Variants in ZMPSTE24 observed in about 807,000 individuals in gnomAD.
ZMPSTE24 encodes the protein CAAX prenyl protease 1 homolog.
A neutral mutation model predicts 56.7 loss-of-function variants in ZMPSTE24; 48 were observed. That is an observed-to-expected ratio of 0.85 (90% confidence interval 0.67 to 1.08). The LOEUF (loss-of-function observed/expected upper bound fraction) is 1.08, where lower values mean the gene tolerates loss of function less well. Among genes scored for constraint, ZMPSTE24 ranks in the 50% least tolerant of loss-of-function variants. The pLI, the probability that ZMPSTE24 is intolerant of heterozygous loss-of-function variation, is 0.00. For missense variants in ZMPSTE24, 503 were observed against 548.7 expected, an observed-to-expected ratio of 0.92 and a Z score of 0.83; for synonymous variants, 172 against 195.2, an observed-to-expected ratio of 0.88 and a Z score of 0.99.
chr1:40,273,516 T>TAAAAAAA (rs1205861105), intron 6 of ZMPSTE24, among the ~76,000 whole-genome samples: 1 of 10,584 alleles, frequency 9.4e-5, no homozygotes, highest in African/African-American at 5.7e-4. Flanking sequence ...AAATTCTGTC[T>TAAAAAAA]AAAAAAAAAA....
chr1:40,270,274 A>G lies in ZMPSTE24; in HGVS notation c.627+147A>G, dbSNP rs987935287. On this transcript the variant is annotated intron_variant, in intron 5 of 9. Transcript: ENST00000372759. The stretch of plus-strand genomic sequence containing the variant: ...ATTTCCCCCTTGGTTTCTGCTTTTG[A>G]TTGTAGACACAGGAGTATTGACTGA... The G allele has an allele frequency of 1.1e-5, 11 of 981,670 alleles. No homozygotes were observed. In the Admixed American group the frequency reaches 2.3e-4, roughly 20 times the overall value. The allele number at this position is 981,670 out of a possible 1,614,324, so 60.8% of individuals were successfully genotyped here. A position where few individuals can be genotyped will look rare whatever the true frequency, so the allele number is the denominator to read the frequency against.
Position 40,272,466 on chromosome 1 carries a change from T to C in ZMPSTE24, c.769+431T>C, listed in dbSNP as rs182339139. Among the ~76,000 whole-genome samples the C allele has an allele frequency of 1.3e-3, 204 of 152,350 alleles. 1 individual carries two copies. Among genetic ancestry groups the C allele is most frequent in the South Asian group, 0.011 (51 of 4,830 alleles). On this transcript the variant is annotated intron_variant, in intron 6 of 9. Coordinates refer to ENST00000372759, the MANE Select transcript of ZMPSTE24 (RefSeq NM_005857.5). ...AGGCTCTTAAACAAAGCCAGTGTTA[T>C]TGGCCTTGTCTCCTCCAAGAAAATA...
At chr1:40,259,572 T>C (rs1331255521) in intron 1 of ZMPSTE24, 1 of 152,222 alleles carries the variant, frequency 6.6e-6, no homozygotes, top group Admixed American at 6.5e-5. Context: ...GTATTTTTAG[T>C]AGAGACGGGG....
At position 40,286,214 on chromosome 1, in the gene ZMPSTE24, C is replaced by A. The variant is rs561888207; in HGVS notation, c.1059+185C>A. Among the ~76,000 whole-genome samples, 12 of 152,180 alleles carry A rather than the reference C, an allele frequency of 7.9e-5. No individual in the cohort carries two copies. In the South Asian group the frequency reaches 1.5e-3, roughly 18 times the overall value. On this transcript the variant is annotated intron_variant, in intron 8 of 9. Transcript: ENST00000372759. ...CAAGTTCCTTAACCTCTGCCTCTGTCCCCTCATTGAATGATAATACCTCAT... is the reference window on the plus strand; with the variant it reads ...CAAGTTCCTTAACCTCTGCCTCTGTACCCTCATTGAATGATAATACCTCAT...
intron 2 of ZMPSTE24, among the ~76,000 whole-genome samples, chr1:40,267,383 T>TTATTTTATTTTATTTTA (rs1643561472): frequency 6.8e-6 from 1 of 147,734 alleles, no homozygotes; most frequent in African/African-American, 2.5e-5. Flanking sequence ...TTATTTTATT[T>TTATTTTATTTTATTTTA]GAGACAGGGT....
chr1:40,265,564 G>A (rs1461937061), intron 2 of ZMPSTE24, among the ~76,000 whole-genome samples: 1 of 152,106 alleles, frequency 6.6e-6, no homozygotes, highest in Non-Finnish European at 1.5e-5. Context: ...GCCAAGTATG[G>A]TGGTGCATAC....
chr1:40,279,354 A>C (rs189447521), intron 6 of ZMPSTE24, among the ~76,000 whole-genome samples: 14 of 152,306 alleles, frequency 9.2e-5, no homozygotes, highest in African/African-American at 3.4e-4. Context: ...TGCAAAAGTA[A>C]TTGCAGTTTC....
chr1:40,284,829 C>T (rs190220439), intron 7 of ZMPSTE24, among the ~76,000 whole-genome samples: 70 of 151,994 alleles, frequency 4.6e-4, no homozygotes, highest in African/African-American at 1.4e-3. Context: ...TTTTTATATA[C>T]ACATTCACAT....
intron 2 of ZMPSTE24, among the ~76,000 whole-genome samples, chr1:40,265,657 C>T (rs574174438): frequency 2.0e-5 from 3 of 152,174 alleles, no homozygotes; most frequent in Admixed American, 6.5e-5. Flanking sequence ...GATCATAACA[C>T]TGCTCCCTAG....
chr1:40,268,110 T>C (rs1209952197), intron 3 of ZMPSTE24, among the ~76,000 whole-genome samples: 4 of 152,242 alleles, frequency 2.6e-5, no homozygotes, highest in African/African-American at 7.2e-5. Flanking sequence ...TGAGTATTTT[T>C]AGTTATCAGG....
intron 6 of ZMPSTE24, among the ~76,000 whole-genome samples, chr1:40,272,288 G>A (rs745607918): frequency 2.0e-5 from 3 of 152,148 alleles, no homozygotes; most frequent in Non-Finnish European, 4.4e-5. Flanking sequence ...TGGTTTTACA[G>A]TATTGTTTTA....
At chr1:40,276,035 G>A (rs1438538437) in intron 6 of ZMPSTE24, among the ~76,000 whole-genome samples, 5 of 152,140 alleles carry the variant, frequency 3.3e-5, no homozygotes, top group Non-Finnish European at 7.3e-5. Context: ...CCAGGGCATG[G>A]GGCTAGCTGC....
rs1643782486 is a variant in ZMPSTE24, at chr1:40,285,923, A to G, written c.955-2A>G. On this transcript the variant is annotated splice_acceptor_variant, in intron 7 of 9. Transcript: ENST00000372759. LOFTEE classifies it high-confidence loss of function. ...ATTTATTTTTGATTTTTTTTTATTC[A>G]GAATAAGAAACAAGGATGTAAAAAT... 1 of 1,610,394 alleles carries G rather than the reference A, an allele frequency of 6.2e-7. No homozygotes were observed. The highest frequency in any genetic ancestry group is 1.7e-5 in the Admixed American group (1 of 59,824).
chr1:40,283,055 T>C (rs1643746157), intron 7 of ZMPSTE24, among the ~76,000 whole-genome samples: 1 of 152,236 alleles, frequency 6.6e-6, no homozygotes, highest in Non-Finnish European at 1.5e-5. Flanking sequence ...AAACAGGTTC[T>C]AGTAAAGTAC....
rs771464900 is a variant in ZMPSTE24, at chr1:40,271,982, A to T, written c.716A>T (p.Glu239Val). The part of the protein sequence containing the change: ...LPEGKLKEEI[E>V]VMAKSIDFPL... ...GAGGGAAAGCTTAAAGAAGAAATTG[A>T]AGTAATGGCAAAGAGTATTGACTTT... is the stretch of plus-strand genomic sequence containing the variant. Residue 239 changes from glutamate (E) to valine (V), a missense_variant, in exon 6 of 10, where the codon GAA becomes GTA. Glu to Val is a moderately radical substitution (Grantham distance 121). Coordinates refer to ENST00000372759, the MANE Select transcript of ZMPSTE24 (RefSeq NM_005857.5). 3.7e-6 allele frequency: 6 copies of T among 1,613,400 alleles called. No individual in the cohort carries two copies. The highest frequency in any genetic ancestry group is 4.2e-6 in the Non-Finnish European group (5 of 1,179,562).
At position 40,281,383 on chromosome 1, in the gene ZMPSTE24, C is replaced by T. The variant is rs1411218701; in HGVS notation, c.810C>T (p.Gly270=). The part of the protein sequence containing the change: ...RSSHSNAYFY[G]FFKNKRIVLF... Reference sequence around the variant, plus strand: ...CCCACAGCAATGCTTATTTTTATGGCTTCTTCAAGAACAAGCGAATAGTTT... The same window carrying T: ...CCCACAGCAATGCTTATTTTTATGGTTTCTTCAAGAACAAGCGAATAGTTT... The change falls in exon 7 of 10, where the codon GGC becomes GGT. Residue 270 remains glycine (G), a synonymous_variant. Coordinates refer to ENST00000372759, the MANE Select transcript of ZMPSTE24 (RefSeq NM_005857.5). 5 of 1,614,032 alleles carry T rather than the reference C, an allele frequency of 3.1e-6. No individual in the cohort carries two copies. Among genetic ancestry groups the T allele is most frequent in the African/African-American group, 1.3e-5 (1 of 75,026 alleles).
intron 6 of ZMPSTE24, among the ~76,000 whole-genome samples, chr1:40,274,438 T>G (rs1325255747): frequency 1.3e-5 from 2 of 152,156 alleles, no homozygotes; most frequent in African/African-American, 2.4e-5. Flanking sequence ...ATTAAACTAG[T>G]TTGGTCTGAT....
chr1:40,272,120 T>G (rs1643619742), intron 6 of ZMPSTE24, 85 bp downstream of exon 6: 1 of 1,383,954 alleles, frequency 7.2e-7, no homozygotes, highest in Non-Finnish European at 9.6e-7. Context: ...ATAAAAGAAT[T>G]AATCAGTTTT....
intron 6 of ZMPSTE24, among the ~76,000 whole-genome samples, chr1:40,278,720 T>C (rs577655494): frequency 1.1e-4 from 16 of 152,168 alleles, no homozygotes; most frequent in Non-Finnish European, 2.1e-4. Context: ...AGAGCCAAGA[T>C]TTGAACCCAA....
Sources: allele counts gnomAD v4.1 joint callset (sites outside exome capture counted in the v4.1 genomes callset), GRCh38; gene constraint gnomAD v4.1.1; transcripts MANE v1.5; gene names NCBI Gene and HGNC (gene_info 2026-07-23, HGNC 2026-07-21).